Variants in RPS6KC1 observed in about 807,000 individuals in gnomAD.
RPS6KC1 encodes ribosomal protein S6 kinase C1, also known as inactive ribosomal protein S6 kinase delta-1.
A neutral mutation model predicts 103.8 loss-of-function variants in RPS6KC1; 54 were observed. The ratio of observed to expected loss-of-function variants is 0.52; its 90% confidence interval spans 0.42 to 0.65. The LOEUF is 0.65. Among genes scored for constraint, RPS6KC1 ranks in the 30% least tolerant of loss-of-function variants. The pLI is 0.00. For synonymous variants in RPS6KC1, 439 were observed against 438.7 expected, an observed-to-expected ratio of 1.00 and a Z score of -0.01; for missense variants, 1,151 against 1,253.8, an observed-to-expected ratio of 0.92 and a Z score of 1.24.
At chr1:213,636,030 A>G in the RPS6KC1 span, among the ~76,000 whole-genome samples, 1 of 152,234 alleles carries the variant, frequency 6.6e-6, no homozygotes, top group Admixed American at 6.5e-5. Flanking sequence ...TGCTACAAAG[A>G]GAATAAAATA....
At chr1:213,073,798 C>T (rs1363176848) in intron 2 of RPS6KC1, among the ~76,000 whole-genome samples, 6 of 152,124 alleles carry the variant, frequency 3.9e-5, no homozygotes, top group African/African-American at 1.4e-4. Context: ...GCCTCAGCCT[C>T]CTGAATAGCT....
At chr1:213,284,229 T>G in the RPS6KC1 span, among the ~76,000 whole-genome samples, 1 of 151,058 alleles carries the variant, frequency 6.6e-6, no homozygotes, top group East Asian at 1.9e-4. Flanking sequence ...GGCAAAAGAG[T>G]GAATAGGCTG....
chr1:213,336,751 A>G, the RPS6KC1 span, among the ~76,000 whole-genome samples: 3 of 152,222 alleles, frequency 2.0e-5, no homozygotes, highest in Non-Finnish European at 2.9e-5. Context: ...TGAGTGGCAG[A>G]GCCCGAAGCT....
At chr1:213,696,757 T>C in the RPS6KC1 span, among the ~76,000 whole-genome samples, 12 of 152,180 alleles carry the variant, frequency 7.9e-5, 1 homozygote, top group Non-Finnish European at 1.8e-4. Context: ...TTTTTTCCTA[T>C]TCTCTCTCAC....
the RPS6KC1 span, among the ~76,000 whole-genome samples, chr1:213,690,690 A>G: frequency 6.6e-6 from 1 of 152,210 alleles, no homozygotes; most frequent in South Asian, 2.1e-4. Flanking sequence ...GCTGCCTTAC[A>G]TTGCATAAAT....
At chr1:213,588,134 G>A in the RPS6KC1 span, among the ~76,000 whole-genome samples, 1 of 151,986 alleles carries the variant, frequency 6.6e-6, no homozygotes, top group African/African-American at 2.4e-5. Context: ...GGAGTACGGT[G>A]GCACAGTCAT....
chr1:213,764,871 TG>T, the RPS6KC1 span, among the ~76,000 whole-genome samples: 4 of 152,162 alleles, frequency 2.6e-5, no homozygotes, highest in African/African-American at 9.7e-5. Context: ...AAGTCAGGCT[TG>T]CCCCTCTCAC....
intron 8 of RPS6KC1, among the ~76,000 whole-genome samples, chr1:213,224,956 T>A (rs966370185): frequency 6.6e-6 from 1 of 152,250 alleles, no homozygotes; most frequent in African/African-American, 2.4e-5. Flanking sequence ...TTTCTCTTTG[T>A]GTACAGCTGT....
intron 5 of RPS6KC1, among the ~76,000 whole-genome samples, chr1:213,127,185 G>A (rs1367591272): frequency 6.6e-6 from 1 of 152,108 alleles, no homozygotes; most frequent in Non-Finnish European, 1.5e-5. Context: ...AAGCAAAACT[G>A]TTTTGATAAT....
intron 6 of RPS6KC1, among the ~76,000 whole-genome samples, chr1:213,163,342 T>C (rs2090653657): frequency 6.6e-6 from 1 of 152,218 alleles, no homozygotes; most frequent in Non-Finnish European, 1.5e-5. Flanking sequence ...GTATTTGTGG[T>C]GTAGAGAAAT....
the RPS6KC1 span, among the ~76,000 whole-genome samples, chr1:213,633,580 G>C: frequency 6.6e-6 from 1 of 152,010 alleles, no homozygotes; most frequent in East Asian, 1.9e-4. Context: ...ACCGGTACCA[G>C]CCACTGCAAA....
At chr1:213,150,071 C>T (rs1316150365) in intron 6 of RPS6KC1, among the ~76,000 whole-genome samples, 2 of 152,050 alleles carry the variant, frequency 1.3e-5, no homozygotes, top group African/African-American at 2.4e-5. Context: ...AGGCAACAGA[C>T]TAATGGGTCT....
chr1:213,578,769 G>T, the RPS6KC1 span, among the ~76,000 whole-genome samples: 1 of 152,082 alleles, frequency 6.6e-6, no homozygotes, highest in Non-Finnish European at 1.5e-5. Context: ...ACTTGCTTTT[G>T]ATTTTACAGG....
chr1:213,698,067 C>T, the RPS6KC1 span, among the ~76,000 whole-genome samples: 1 of 152,188 alleles, frequency 6.6e-6, no homozygotes, highest in Admixed American at 6.5e-5. Context: ...CCCCAACTTA[C>T]AATAGTTCAA....
the RPS6KC1 span, among the ~76,000 whole-genome samples, chr1:213,496,342 T>C: frequency 3.1e-3 from 476 of 152,124 alleles, 2 homozygotes; most frequent in African/African-American, 0.011. Context: ...AAAAAAATAA[T>C]AACAGTATGG....
chr1:213,403,768 G>GA, the RPS6KC1 span, among the ~76,000 whole-genome samples: 3 of 152,144 alleles, frequency 2.0e-5, no homozygotes, highest in Admixed American at 6.5e-5. Context: ...TTATCTGGGG[G>GA]AAAAGGGGTA....
intron 3 of RPS6KC1, among the ~76,000 whole-genome samples, chr1:213,101,164 A>G (rs970342023): frequency 1.3e-5 from 2 of 151,894 alleles, no homozygotes; most frequent in Admixed American, 1.3e-4. Context: ...TTCGATTTGC[A>G]TTTTTCTAAT....
At chr1:213,757,427 C>T in the RPS6KC1 span, among the ~76,000 whole-genome samples, 14 of 152,294 alleles carry the variant, frequency 9.2e-5, no homozygotes, top group African/African-American at 3.4e-4. Flanking sequence ...TCAGACAAGC[C>T]ACAACATTCC....
the RPS6KC1 span, among the ~76,000 whole-genome samples, chr1:213,739,251 A>T: frequency 6.6e-6 from 1 of 152,216 alleles, no homozygotes; most frequent in Non-Finnish European, 1.5e-5. Context: ...GATTTTTTAA[A>T]ATAACATTTT....
Sources: gnomAD v4.1 joint callset for allele counts (sites outside exome capture counted in the v4.1 genomes callset) on GRCh38, gnomAD v4.1.1 for gene constraint, MANE v1.5 for transcripts, NCBI Gene and HGNC (gene_info 2026-07-23, HGNC 2026-07-21) for gene names.